Variants in HS6ST2 observed in about 807,000 individuals in gnomAD.
The protein encoded by HS6ST2 is heparan sulfate 6-O-sulfotransferase 2.
HS6ST2 carries 17 observed loss-of-function variants against 33.0 expected under a neutral mutation model. That is an observed-to-expected ratio of 0.52 (90% CI 0.35 to 0.77). The LOEUF is 0.77. HS6ST2 is among the 30% of genes least tolerant of loss of function. HS6ST2 has a pLI of 0.01. For missense variants in HS6ST2, 519 were observed against 551.7 expected, an observed-to-expected ratio of 0.94 and a Z score of 0.59; for synonymous variants, 248 against 237.1, an observed-to-expected ratio of 1.05 and a Z score of -0.42.
At chrX:132,813,712 T>C (rs1337162965) in intron 2 of HS6ST2, among the ~76,000 whole-genome samples, 1 of 106,579 alleles carries the variant, frequency 9.4e-6, no homozygotes, top group African/African-American at 3.4e-5. Context: ...CCCTCTCTTA[T>C]ATGTGTCCCC....
chrX:132,750,330 T>A, intron 2 of HS6ST2, among the ~76,000 whole-genome samples: 1 of 79,950 alleles, frequency 1.3e-5, no homozygotes, highest in Non-Finnish European at 2.3e-5. Context: ...TTCCTAGAAG[T>A]GAAAGATGCC....
intron 3 of HS6ST2, among the ~76,000 whole-genome samples, chrX:132,681,680 T>A (rs181447269): frequency 3.4e-4 from 38 of 112,306 alleles, no homozygotes; most frequent in African/African-American, 1.2e-3. Context: ...ACCCACTTGA[T>A]GAACACTTCC....
intron 2 of HS6ST2, among the ~76,000 whole-genome samples, chrX:132,827,847 A>C (rs2148384299): frequency 9.0e-6 from 1 of 110,892 alleles, no homozygotes; most frequent in African/African-American, 3.3e-5. Context: ...GCTGTTAGAG[A>C]GGATTTCAGG....
At chrX:132,881,133 T>C (rs924944678) in intron 2 of HS6ST2, among the ~76,000 whole-genome samples, 1 of 111,404 alleles carries the variant, frequency 9.0e-6, no homozygotes, top group Non-Finnish European at 1.9e-5. Context: ...ATCCTTTGGG[T>C]ATATACCCAG....
chrX:132,765,319 G>A (rs766517537), intron 2 of HS6ST2, among the ~76,000 whole-genome samples: 1 of 112,592 alleles, frequency 8.9e-6, no homozygotes, highest in Non-Finnish European at 1.9e-5. Context: ...TAAAGAATGC[G>A]TGTGGAGACA....
At chrX:132,655,385 T>C (rs1371839964) in intron 4 of HS6ST2, among the ~76,000 whole-genome samples, 2 of 111,756 alleles carry the variant, frequency 1.8e-5, no homozygotes, top group Non-Finnish European at 3.8e-5. Context: ...TACCAGTATG[T>C]ACCAGAAGAT....
At chrX:132,646,867 A>G (rs980106181) in intron 4 of HS6ST2, among the ~76,000 whole-genome samples, 2 of 112,108 alleles carry the variant, frequency 1.8e-5, no homozygotes, top group African/African-American at 6.5e-5. Flanking sequence ...GAGCAAAGGC[A>G]TGTTTTCCAT....
At chrX:132,957,746 C>A (rs992638744) in intron 1 of HS6ST2, among the ~76,000 whole-genome samples, 1 of 111,392 alleles carries the variant, frequency 9.0e-6, no homozygotes, top group Non-Finnish European at 1.9e-5. Flanking sequence ...CATCCCCATC[C>A]CGCTTCGTCC....
intron 2 of HS6ST2, among the ~76,000 whole-genome samples, chrX:132,844,571 G>C (rs1214183852): frequency 1.8e-5 from 2 of 110,853 alleles, no homozygotes; most frequent in Admixed American, 9.7e-5. Context: ...TGCTCTACCA[G>C]GGCAGCCATC....
At chrX:132,786,482 A>G (rs1182052300) in intron 2 of HS6ST2, among the ~76,000 whole-genome samples, 2 of 111,827 alleles carry the variant, frequency 1.8e-5, no homozygotes, top group East Asian at 5.6e-4. Flanking sequence ...GAGCTTTGTC[A>G]TTACTTTTAG....
chrX:132,860,604 T>C (rs1227655006), intron 2 of HS6ST2, among the ~76,000 whole-genome samples: 1 of 111,219 alleles, frequency 9.0e-6, no homozygotes, highest in African/African-American at 3.3e-5. Context: ...CAGGAAACAA[T>C]GCTTTATGAA....
chrX:132,787,245 A>G (rs2065076238), intron 2 of HS6ST2, among the ~76,000 whole-genome samples: 1 of 88,430 alleles, frequency 1.1e-5, no homozygotes, highest in African/African-American at 4.4e-5. Context: ...ATATACATAT[A>G]TGTATATATA....
At chrX:132,694,733 G>C (rs879034438) in intron 3 of HS6ST2, among the ~76,000 whole-genome samples, 2 of 111,723 alleles carry the variant, frequency 1.8e-5, no homozygotes, top group Admixed American at 1.9e-4. Flanking sequence ...CTTGGACTAG[G>C]ATGACAGAGC....
intron 3 of HS6ST2, among the ~76,000 whole-genome samples, chrX:132,682,811 T>A (rs911141757): frequency 6.3e-5 from 7 of 110,888 alleles, no homozygotes; most frequent in Non-Finnish European, 1.1e-4. Context: ...TGTTTCTTTT[T>A]AAAAATTTCC....
intron 2 of HS6ST2, among the ~76,000 whole-genome samples, chrX:132,761,701 C>T (rs1025263011): frequency 5.4e-5 from 6 of 111,941 alleles, no homozygotes; most frequent in African/African-American, 1.6e-4. Flanking sequence ...ATGGCAATAC[C>T]GAAGCACAAT....
chrX:132,873,373 C>T (rs755819003), intron 2 of HS6ST2, among the ~76,000 whole-genome samples: 10 of 111,854 alleles, frequency 8.9e-5, no homozygotes, highest in Admixed American at 7.6e-4. Flanking sequence ...ACTCATGCAT[C>T]TATCTTAATA....
chrX:132,759,286 G>A (rs2064784432), intron 2 of HS6ST2, among the ~76,000 whole-genome samples: 1 of 111,928 alleles, frequency 8.9e-6, no homozygotes, highest in Non-Finnish European at 1.9e-5. Flanking sequence ...AGTATTAAAG[G>A]AGTAATTTCT....
chrX:132,911,074 C>T (rs369588054), intron 2 of HS6ST2, among the ~76,000 whole-genome samples: 7 of 106,052 alleles, frequency 6.6e-5, no homozygotes, highest in African/African-American at 2.1e-4. Flanking sequence ...CACTTGAACT[C>T]GGGAGGCAGA....
At chrX:132,863,512 C>T (rs377178632) in intron 2 of HS6ST2, among the ~76,000 whole-genome samples, 7 of 99,281 alleles carry the variant, frequency 7.1e-5, no homozygotes, top group East Asian at 3.2e-4. Context: ...TTTTTTGAGA[C>T]GGGGTTTCAC....
Sources: gnomAD v4.1 joint callset for allele counts (sites outside exome capture counted in the v4.1 genomes callset) on GRCh38, gnomAD v4.1.1 for gene constraint, MANE v1.5 for transcripts, NCBI Gene and HGNC (gene_info 2026-07-23, HGNC 2026-07-21) for gene names.